Variants in GLG1 observed in about 807,000 individuals in gnomAD.
The protein encoded by GLG1 is Golgi apparatus protein 1.
A neutral mutation model predicts 160.5 loss-of-function variants in GLG1; 38 were observed. The observed-to-expected ratio is 0.24, with a 90% confidence interval of 0.18 to 0.31. GLG1 has a LOEUF of 0.31. Among genes scored for constraint, GLG1 ranks in the 10% least tolerant of loss-of-function variants. The pLI, the probability that GLG1 is intolerant of heterozygous loss-of-function variation, is 1.00. For synonymous variants in GLG1, 644 were observed against 543.4 expected (o/e 1.19, Z -2.57); for missense variants, 1,373 against 1,505.2 (o/e 0.91, Z 1.45).
At chr16:74,513,670 G>A (rs1168685494) in intron 2 of GLG1, among the ~76,000 whole-genome samples, 1 of 152,022 alleles carries the variant, frequency 6.6e-6, no homozygotes, top group Non-Finnish European at 1.5e-5. Context: ...AAAGACCAAA[G>A]GTAGAAGATG....
chr16:74,564,946 T>C (rs1336480076), intron 1 of GLG1, among the ~76,000 whole-genome samples: 1 of 152,172 alleles, frequency 6.6e-6, no homozygotes, highest in Non-Finnish European at 1.5e-5. Context: ...TTCCCCACCT[T>C]GCAAAAGCCA....
intron 14 of GLG1, 152 bp downstream of exon 14, chr16:74,472,197 G>T (rs2015232385): frequency 3.3e-6 from 2 of 609,738 alleles, no homozygotes; most frequent in South Asian, 4.3e-5. Flanking sequence ...ACCACACCCG[G>T]CCTGTTTACA....
intron 2 of GLG1, among the ~76,000 whole-genome samples, chr16:74,513,389 G>A (rs1390966012): frequency 6.6e-6 from 1 of 151,978 alleles, no homozygotes; most frequent in African/African-American, 2.4e-5. Context: ...TCCCAGTAGG[G>A]GCCAACAGAT....
intron 4 of GLG1, among the ~76,000 whole-genome samples, chr16:74,498,447 A>AAAAATATATATATATATATAT (rs1491293119): frequency 1.2e-4 from 1 of 8,208 alleles, no homozygotes; most frequent in Non-Finnish European, 3.9e-4. Context: ...AAAAAAAAAA[A>AAAAATATATATATATATATAT]GTATATATAT....
At chr16:74,483,325 A>T (rs1203808292) in intron 9 of GLG1, among the ~76,000 whole-genome samples, 5 of 152,196 alleles carry the variant, frequency 3.3e-5, no homozygotes, top group Admixed American at 3.3e-4. Flanking sequence ...TCAGCACTGA[A>T]GACTATGCAT....
At chr16:74,534,596 T>TA (rs2017636057) in intron 1 of GLG1, among the ~76,000 whole-genome samples, 2 of 151,984 alleles carry the variant, frequency 1.3e-5, no homozygotes, top group South Asian at 4.1e-4. Flanking sequence ...TCCACAGGAC[T>TA]ATATTAGCAA....
At chr16:74,487,199 C>A (rs541998162) in intron 8 of GLG1, among the ~76,000 whole-genome samples, 1 of 152,238 alleles carries the variant, frequency 6.6e-6, no homozygotes, top group African/African-American at 2.4e-5. Context: ...AGCCACCACA[C>A]CCAGACCTGG....
intron 7 of GLG1, 121 bp downstream of exon 7, chr16:74,492,836 A>AT: frequency 1.9e-6 from 1 of 535,244 alleles, no homozygotes; most frequent in Non-Finnish European, 3.0e-6. Context: ...AAAAAAAAAA[A>AT]AAAGAAAAAT....
chr16:74,508,956 A>G (rs777482335), intron 2 of GLG1, 31 bp from the exon 3 acceptor site: 4 of 904,434 alleles, frequency 4.4e-6, no homozygotes, highest in South Asian at 4.1e-5. Flanking sequence ...AAAAACAAAG[A>G]AAAACTCCAG....
At chr16:74,520,684 G>A (rs562597283) in intron 2 of GLG1, among the ~76,000 whole-genome samples, 6 of 152,136 alleles carry the variant, frequency 3.9e-5, no homozygotes, top group Non-Finnish European at 7.4e-5. Flanking sequence ...ATAAATGTTT[G>A]GAAGAACTGC....
chr16:74,606,610 G>T, intron 1 of GLG1, 47 bp downstream of exon 1: 1 of 1,486,438 alleles, frequency 6.7e-7, no homozygotes, highest in Non-Finnish European at 9.0e-7. Context: ...CAACACCCTC[G>T]GGCCCGCACC....
chr16:74,530,425 T>C (rs778582257), intron 2 of GLG1, among the ~76,000 whole-genome samples: 5 of 152,210 alleles, frequency 3.3e-5, no homozygotes, highest in Non-Finnish European at 7.3e-5. Context: ...CAGGGAACTG[T>C]AGTCACTGTT....
intron 3 of GLG1, 78 bp downstream of exon 3, chr16:74,508,761 C>A (rs1476240178): frequency 4.3e-6 from 3 of 697,678 alleles, no homozygotes; most frequent in South Asian, 3.2e-5. Context: ...GTAACTGAGT[C>A]ATTCTTCTCA....
chr16:74,540,057 T>TATA lies in GLG1; in HGVS notation c.439-7905_439-7904insTAT, dbSNP rs60453641. On this transcript the variant is annotated intron_variant, in intron 1 of 25. Coordinates refer to ENST00000422840, the MANE Select transcript of GLG1 (RefSeq NM_001145667.2). ...TATTTTATATATATATTATATATAT[T>TATA]TTATATATATATATTATATATATTT... Among the ~76,000 whole-genome samples the TATA allele has an allele frequency of 1.9e-3, 2 of 1,038 alleles. 1 individual carries two copies. Among genetic ancestry groups the TATA allele is most frequent in the African/African-American group, 3.7e-3 (2 of 536 alleles). 0.7% of individuals were successfully genotyped at this position (1,038 alleles called of 152,430 possible).
chr16:74,590,499 T>C (rs1958151133), intron 1 of GLG1, among the ~76,000 whole-genome samples: 1 of 150,094 alleles, frequency 6.7e-6, no homozygotes, highest in African/African-American at 2.4e-5. Context: ...CGGGCGCCTG[T>C]AGTCCCAGCT....
At chr16:74,459,260 C>T (rs1297138875) in intron 23 of GLG1, among the ~76,000 whole-genome samples, 3 of 152,126 alleles carry the variant, frequency 2.0e-5, no homozygotes, top group Admixed American at 6.6e-5. Context: ...GGGTGGATCA[C>T]GAGGTCAGGA....
intron 25 of GLG1, among the ~76,000 whole-genome samples, chr16:74,453,985 C>T (rs1193176054): frequency 6.6e-6 from 1 of 151,590 alleles, no homozygotes; most frequent in African/African-American, 2.4e-5. Context: ...GATTCTCCTC[C>T]CTCACCCACA....
chr16:74,570,045 A>C (rs2018783802), intron 1 of GLG1, among the ~76,000 whole-genome samples: 1 of 151,952 alleles, frequency 6.6e-6, no homozygotes, highest in Admixed American at 6.6e-5. Flanking sequence ...AAAAAAAAAA[A>C]ACAATAGTTT....
intron 4 of GLG1, among the ~76,000 whole-genome samples, chr16:74,497,520 C>T (rs1240666925): frequency 2.0e-5 from 3 of 150,074 alleles, no homozygotes; most frequent in Admixed American, 1.3e-4. Context: ...TCACTGCACG[C>T]TCCCACTCCC....
Sources: gnomAD v4.1 joint callset for allele counts (sites outside exome capture counted in the v4.1 genomes callset) on GRCh38, gnomAD v4.1.1 for gene constraint, MANE v1.5 for transcripts, NCBI Gene and HGNC (gene_info 2026-07-23, HGNC 2026-07-21) for gene names.